ZSWIM6: variants seen among roughly 807,000 people sequenced by gnomAD.
ZSWIM6 encodes zinc finger SWIM-type containing 6, also known as zinc finger SWIM domain-containing protein 6.
In ZSWIM6, 9 loss-of-function variants were observed where a neutral mutation model predicts 113.2. That is an observed-to-expected ratio of 0.08 (90% CI 0.05 to 0.14). ZSWIM6 has a LOEUF of 0.14. Among genes scored for constraint, ZSWIM6 ranks in the 10% least tolerant of loss-of-function variants. ZSWIM6 has a pLI of 1.00. For synonymous variants in ZSWIM6, 611 were observed against 606.5 expected (o/e 1.01, Z -0.11); for missense variants, 1,162 against 1,552.2 (o/e 0.75, Z 4.22).
Position 61,432,849 on chromosome 5 carries a change from C to CA in ZSWIM6, c.677-39824dup, listed in dbSNP as rs200457770. On this transcript the variant is annotated intron_variant, in intron 1 of 13. Coordinates refer to ENST00000252744, the MANE Select transcript of ZSWIM6 (RefSeq NM_020928.2). ...ACCAGGAATCAGGAAGCCAACAAAA[C>CA]AAAAAAAACAGTCCACCTGTAAATA... Among the ~76,000 whole-genome samples, 614 of 151,710 alleles carry CA rather than the reference C, an allele frequency of 4.0e-3. 1 individual carries two copies. The highest frequency in any genetic ancestry group is 0.024 in the Middle Eastern group (7 of 294).
chr5:61,483,994 T>C (rs1342692535), intron 2 of ZSWIM6, among the ~76,000 whole-genome samples: 1 of 152,086 alleles, frequency 6.6e-6, no homozygotes, highest in Non-Finnish European at 1.5e-5. Flanking sequence ...GAGTAATTTA[T>C]GTATTCTTCT....
chr5:61,523,497 T>C (rs1184501555), intron 5 of ZSWIM6, among the ~76,000 whole-genome samples: 2 of 152,248 alleles, frequency 1.3e-5, no homozygotes, highest in Non-Finnish European at 2.9e-5. Context: ...TCCTTTTTAC[T>C]TAATTTCCCA....
intron 1 of ZSWIM6, among the ~76,000 whole-genome samples, chr5:61,382,395 T>C (rs1019375637): frequency 1.3e-5 from 2 of 152,236 alleles, no homozygotes; most frequent in Non-Finnish European, 2.9e-5. Flanking sequence ...TAGAGTTACA[T>C]AGCAATTAGT....
At chr5:61,354,139 G>T (rs1275566592) in intron 1 of ZSWIM6, among the ~76,000 whole-genome samples, 1 of 152,178 alleles carries the variant, frequency 6.6e-6, no homozygotes, top group East Asian at 1.9e-4. Flanking sequence ...GCCTTCTTGT[G>T]ACCTCATTCC....
At chr5:61,436,825 A>G (rs1003849617) in intron 1 of ZSWIM6, among the ~76,000 whole-genome samples, 2 of 152,206 alleles carry the variant, frequency 1.3e-5, no homozygotes, top group Non-Finnish European at 2.9e-5. Context: ...TCAATATGAA[A>G]ACAATGAAAC....
chr5:61,530,268 T>C, intron 8 of ZSWIM6, 70 bp downstream of exon 8: 2 of 1,421,242 alleles, frequency 1.4e-6, no homozygotes, highest in Non-Finnish European at 1.9e-6. Context: ...GTCATTGTTT[T>C]TCTTTACATT....
chr5:61,477,817 TA>T (rs1747743710), intron 2 of ZSWIM6, among the ~76,000 whole-genome samples: 1 of 152,214 alleles, frequency 6.6e-6, no homozygotes, highest in African/African-American at 2.4e-5. Flanking sequence ...GCACAATACT[TA>T]AGATGTAATA....
intron 1 of ZSWIM6, among the ~76,000 whole-genome samples, chr5:61,412,373 C>G (rs1746165065): frequency 1.3e-5 from 2 of 152,134 alleles, no homozygotes. Flanking sequence ...ACTGATAGCT[C>G]AGGTGTAGTG....
intron 2 of ZSWIM6, among the ~76,000 whole-genome samples, chr5:61,487,501 T>TA (rs1262673731): frequency 2.0e-5 from 3 of 152,042 alleles, no homozygotes; most frequent in Non-Finnish European, 4.4e-5. Flanking sequence ...TCATCTTACC[T>TA]ATATTCTTCT....
intron 4 of ZSWIM6, among the ~76,000 whole-genome samples, chr5:61,517,647 T>G (rs952010771): frequency 1.3e-5 from 2 of 152,050 alleles, no homozygotes; most frequent in African/African-American, 4.8e-5. Flanking sequence ...CCCTTGAGAA[T>G]TGGTCACATT....
chr5:61,538,567 A>G (rs1435894532), intron 10 of ZSWIM6, among the ~76,000 whole-genome samples: 1 of 152,228 alleles, frequency 6.6e-6, no homozygotes, highest in African/African-American at 2.4e-5. Flanking sequence ...AAAATCTCTT[A>G]GGTTTGGGTG....
intron 4 of ZSWIM6, among the ~76,000 whole-genome samples, chr5:61,504,454 T>G (rs1748548018): frequency 6.6e-6 from 1 of 152,192 alleles, no homozygotes; most frequent in South Asian, 2.1e-4. Flanking sequence ...ACTAATAGAA[T>G]GAATTAGAGC....
chr5:61,491,477 A>T (rs947512971), intron 3 of ZSWIM6, among the ~76,000 whole-genome samples: 11 of 152,004 alleles, frequency 7.2e-5, no homozygotes, highest in African/African-American at 2.7e-4. Context: ...TAATAATAAC[A>T]TATCTCCTAA....
Position 61,374,576 on chromosome 5 carries a change from T to C in ZSWIM6, c.676+41628T>C, listed in dbSNP as rs1323631154. Among the ~76,000 whole-genome samples the C allele has an allele frequency of 2.0e-5, 3 of 152,182 alleles. No homozygotes were observed. The East Asian group carries it at 5.8e-4, about 29-fold the overall frequency. On this transcript the variant is annotated intron_variant, in intron 1 of 13. Coordinates refer to ENST00000252744, the MANE Select transcript of ZSWIM6 (RefSeq NM_020928.2). ...ATTTTATTTATTTTATTTTTTGAGA[T>C]GGAGTCTCGCTCTGTCGCCCAGGCT...
chr5:61,374,247 T>C (rs1745322729), intron 1 of ZSWIM6, among the ~76,000 whole-genome samples: 1 of 152,238 alleles, frequency 6.6e-6, no homozygotes, highest in Non-Finnish European at 1.5e-5. Context: ...AAATTCTTTA[T>C]GCCTGTGTCT....
At chr5:61,494,485 G>C (rs182400696) in intron 4 of ZSWIM6, 75 bp downstream of exon 4, 11 of 1,523,556 alleles carry the variant, frequency 7.2e-6, no homozygotes, top group Non-Finnish European at 9.8e-6. Context: ...TCAAGAACAT[G>C]GTCGTAGTAT....
intron 1 of ZSWIM6, among the ~76,000 whole-genome samples, chr5:61,390,036 G>GA: frequency 6.6e-6 from 1 of 152,158 alleles, no homozygotes; most frequent in East Asian, 1.9e-4. Context: ...ATTTGCTGTA[G>GA]AGTCCCTTTC....
chr5:61,379,644 C>G (rs1745438908), intron 1 of ZSWIM6, among the ~76,000 whole-genome samples: 1 of 152,010 alleles, frequency 6.6e-6, no homozygotes, highest in East Asian at 1.9e-4. Context: ...TGGTTTTTGT[C>G]TTGTGATATA....
At chr5:61,459,447 A>G (rs1747278895) in intron 1 of ZSWIM6, among the ~76,000 whole-genome samples, 1 of 152,218 alleles carries the variant, frequency 6.6e-6, no homozygotes, top group African/African-American at 2.4e-5. Context: ...AGTATAGTGT[A>G]TAGTATTAGT....
Sources: gnomAD v4.1 joint callset for allele counts (sites outside exome capture counted in the v4.1 genomes callset) on GRCh38, gnomAD v4.1.1 for gene constraint, MANE v1.5 for transcripts, NCBI Gene and HGNC (gene_info 2026-07-23, HGNC 2026-07-21) for gene names.